ZNF549: variants seen among roughly 807,000 people sequenced by gnomAD.
ZNF549 encodes the protein zinc finger protein 549.
In ZNF549, 11 loss-of-function variants were observed where a neutral mutation model predicts 11.1. The ratio of observed to expected loss-of-function variants is 0.99; its 90% CI spans 0.62 to 1.64. ZNF549 has a LOEUF of 1.64. ZNF549 is among the 40% of genes most tolerant of loss of function. The pLI is 0.00. For synonymous variants in ZNF549, 266 were observed against 269.1 expected (o/e 0.99, Z 0.11); for missense variants, 748 against 765.1 (o/e 0.98, Z 0.26).
Position 57,527,602 on chromosome 19 carries a change from C to T in ZNF549, c.29C>T (p.Pro10Leu), listed in dbSNP as rs754794851. The change falls in exon 1 of 4, where the codon CCG (proline) becomes CTG (leucine). Residue 10 changes from proline to leucine, a missense_variant. Coordinates refer to ENST00000376233, the MANE Select transcript of ZNF549 (RefSeq NM_001199295.2). ...GCCGAGGCAGCGCTAGTGATTACGC[C>T]GCAGGTGAGAGCGGAGTCCTCGGAT... MAEAALVIT[P>L]QIPMVTEEFV... The T allele has an allele frequency of 2.5e-6, 4 of 1,613,656 alleles. No homozygotes were observed. Among genetic ancestry groups the T allele is most frequent in the Non-Finnish European group, 2.5e-6 (3 of 1,179,922 alleles).
At chr19:57,532,784 T>A (rs1218475243) in intron 2 of ZNF549, among the ~76,000 whole-genome samples, 1 of 152,170 alleles carries the variant, frequency 6.6e-6, no homozygotes, top group African/African-American at 2.4e-5. Flanking sequence ...TTAAGTTTAG[T>A]GGTTTTCTGC....
At position 57,535,290 on chromosome 19, in the gene ZNF549, C is replaced by T; in HGVS notation, c.199+20C>T. The T allele has an allele frequency of 1.2e-6, 2 of 1,609,332 alleles. No individual in the cohort carries two copies. The highest frequency in any genetic ancestry group is 2.2e-5 in the South Asian group (2 of 90,702). On this transcript the variant is annotated intron_variant, in intron 3 of 3. Transcript: ENST00000376233. ...CAGTAGGTAAGATCTCTTAAAACCA[C>T]ACCATCAACCTCTGCTGGACTCTGC...
chr19:57,532,064 A>G (rs534875357), intron 2 of ZNF549, among the ~76,000 whole-genome samples: 1 of 152,222 alleles, frequency 6.6e-6, no homozygotes, highest in African/African-American at 2.4e-5. Flanking sequence ...TTTTAAATTT[A>G]TCTTGAGTAT....
At chr19:57,529,900 TA>T (rs2089896709) in intron 1 of ZNF549, among the ~76,000 whole-genome samples, 1 of 149,572 alleles carries the variant, frequency 6.7e-6, no homozygotes, top group African/African-American at 2.5e-5. Context: ...AATAAATAAA[TA>T]AAATAAATAA....
chr19:57,527,659 G>T (rs753584257), intron 1 of ZNF549, 53 bp downstream of exon 1: 210 of 1,596,976 alleles, frequency 1.3e-4, no homozygotes, highest in Non-Finnish European at 1.7e-4. Flanking sequence ...CCGGACTGGG[G>T]TCACCTGCGT....
rs2089882180 is a variant in ZNF549, at chr19:57,527,440, T to C, written c.-134T>C. The C allele has an allele frequency of 1.6e-6, 2 of 1,260,714 alleles. No individual in the cohort carries two copies. The highest frequency in any genetic ancestry group is 2.5e-5 in the South Asian group (2 of 78,722). 78.1% of individuals were successfully genotyped at this position (1,260,714 alleles called of 1,614,324 possible). A position where few individuals can be genotyped will look rare whatever the true frequency, so the allele number is the denominator to read the frequency against. ...CCAGGTAACTGGAGCCGGAAACCGG[T>C]GGAGGTGGTGTCCGCCCGCAGAGGA... On this transcript the variant is annotated 5_prime_UTR_variant, in exon 1 of 4. Coordinates refer to ENST00000376233, the MANE Select transcript of ZNF549 (RefSeq NM_001199295.2).
At position 57,539,683 on chromosome 19, in the gene ZNF549, T is replaced by G. The variant is rs935213707; in HGVS notation, c.*756T>G. ...ACAAACTCAAGTGCTGGGACCTGCA[T>G]GAATTGTTTATTTGCAGTGATGCTT... On this transcript the variant is annotated 3_prime_UTR_variant, in exon 4 of 4. Coordinates refer to ENST00000376233, the MANE Select transcript of ZNF549 (RefSeq NM_001199295.2). 2.0e-5 allele frequency: 3 copies of G among 152,196 alleles called. No homozygotes were observed. The highest frequency in any genetic ancestry group is 4.4e-5 in the Non-Finnish European group (3 of 68,040). 9.4% of individuals were successfully genotyped at this position (152,196 alleles called of 1,614,324 possible).
At chr19:57,527,714 C>G in intron 1 of ZNF549, 108 bp downstream of exon 1, 2 of 1,379,372 alleles carry the variant, frequency 1.4e-6, no homozygotes, top group African/African-American at 2.9e-5. Flanking sequence ...GCGAGGAGTT[C>G]TGGGTGGGGT....
intron 3 of ZNF549, chr19:57,535,509 G>A (rs921160394): frequency 1.8e-4 from 87 of 474,672 alleles, no homozygotes; most frequent in African/African-American, 4.2e-4. Context: ...TTGCCCAACC[G>A]ACACCACTTG....
At chr19:57,528,727 C>G (rs1308627571) in intron 1 of ZNF549, among the ~76,000 whole-genome samples, 3 of 152,138 alleles carry the variant, frequency 2.0e-5, no homozygotes, top group African/African-American at 7.2e-5. Flanking sequence ...AAAGGTCAGC[C>G]AGACTAGCAG....
Position 57,527,358 on chromosome 19 carries a change from T to G in ZNF549, c.-216T>G. 2.5e-5 allele frequency: 16 copies of G among 643,236 alleles called. No homozygotes were observed. Among genetic ancestry groups the G allele is most frequent in the East Asian group, 2.8e-5 (1 of 35,986 alleles). The allele number at this position is 643,236 out of a possible 1,614,324, so 39.8% of individuals were successfully genotyped here. On this transcript the variant is annotated 5_prime_UTR_variant, in exon 1 of 4. Coordinates refer to ENST00000376233, the MANE Select transcript of ZNF549 (RefSeq NM_001199295.2). ...CCGGCGTCTTTCCGGTGGTGGTCGT[T>G]TTTGCTGCCTGCGAGCGCGTCCGCG...
Position 57,537,380 on chromosome 19 carries a change from C to T in ZNF549, c.376C>T (p.Leu126Phe), listed in dbSNP as rs147549804. Reference sequence around the variant, plus strand: ...GTACCTCAGTGAGCATCAGGGGACACTTCCCTGGCAGAAACCTTATACGTC... The same window carrying T: ...GTACCTCAGTGAGCATCAGGGGACATTTCCCTGGCAGAAACCTTATACGTC... ...ILYLSEHQGT[L>F]PWQKPYTSVA... The change falls in exon 4 of 4, where the codon CTT (leucine) becomes TTT (phenylalanine). Residue 126 changes from leucine to phenylalanine, a missense_variant. Leu to Phe is a conservative substitution (Grantham distance 22). Coordinates refer to ENST00000376233, the MANE Select transcript of ZNF549 (RefSeq NM_001199295.2). 1.4e-4 allele frequency: 225 copies of T among 1,614,206 alleles called. No individual in the cohort carries two copies. In the African/African-American group the frequency reaches 2.5e-3, roughly 18 times the overall value.
Position 57,538,544 on chromosome 19 carries a change from G to GT in ZNF549, c.1542dup (p.Lys515Ter), listed in dbSNP as rs1321475143. On this transcript the variant is annotated frameshift_variant, in exon 4 of 4. Transcript: ENST00000376233. LOFTEE classifies it low-confidence loss of function (END_TRUNC). ...ATGTGGAAAAGGCTTCTACCTTGAGGTTAAACTTCTTCAGCACCAAAGAAT... is the reference window on the plus strand; with the variant it reads ...ATGTGGAAAAGGCTTCTACCTTGAGGTTTAAACTTCTTCAGCACCAAAGAAT... 6.2e-7 allele frequency: 1 copy of GT among 1,613,986 alleles called. No individual in the cohort carries two copies. Among genetic ancestry groups the GT allele is most frequent in the Non-Finnish European group, 8.5e-7 (1 of 1,180,022 alleles).
intron 1 of ZNF549, 31 bp downstream of exon 1, chr19:57,527,637 G>A (rs774460101): frequency 1.9e-6 from 3 of 1,611,190 alleles, no homozygotes; most frequent in Admixed American, 1.7e-5. Flanking sequence ...TCCTCACCTG[G>A]GTCCTGAGGC....
Position 57,538,501 on chromosome 19 carries a change from G to A in ZNF549, c.1497G>A (p.Arg499=). 1.9e-6 allele frequency: 3 copies of A among 1,614,172 alleles called. No individual in the cohort carries two copies. The highest frequency in any genetic ancestry group is 1.1e-5 in the South Asian group (1 of 91,082). Residue 499 remains arginine, a synonymous_variant, in exon 4 of 4, where the codon AGG becomes AGA. Coordinates refer to ENST00000376233, the MANE Select transcript of ZNF549 (RefSeq NM_001199295.2). ...LKHHKIHTRE[R]PYECSECGKG... is the part of the protein sequence containing the mutation. ...ATCACAAAATCCACACTAGAGAAAGGCCTTATGAATGCAGTGAATGTGGAA... is the reference window on the plus strand; with the variant it reads ...ATCACAAAATCCACACTAGAGAAAGACCTTATGAATGCAGTGAATGTGGAA...
chr19:57,528,522 G>C (rs1298541099), intron 1 of ZNF549, among the ~76,000 whole-genome samples: 1 of 152,202 alleles, frequency 6.6e-6, no homozygotes. Flanking sequence ...GGAGGGCTGA[G>C]GCTGGAGGCT....
chr19:57,527,396 C>A lies in ZNF549; in HGVS notation c.-178C>A. On this transcript the variant is annotated 5_prime_UTR_variant, in exon 1 of 4. Coordinates refer to ENST00000376233, the MANE Select transcript of ZNF549 (RefSeq NM_001199295.2). ...GAGCGCGTCCGCGGGCTGGGCGTTT[C>A]CGGCTCGCTGGGTCCGGGCCAGGTA... 1 of 868,442 alleles carries A rather than the reference C, an allele frequency of 1.2e-6. No individual in the cohort carries two copies. 53.8% of individuals were successfully genotyped at this position (868,442 alleles called of 1,614,324 possible).
chr19:57,528,453 C>G (rs1203386160), intron 1 of ZNF549, among the ~76,000 whole-genome samples: 1 of 152,156 alleles, frequency 6.6e-6, no homozygotes, highest in Non-Finnish European at 1.5e-5. Flanking sequence ...GGCGTAGACT[C>G]AAGCCAAGCC....
chr19:57,532,814 C>T (rs370479091), intron 2 of ZNF549, among the ~76,000 whole-genome samples: 73 of 152,226 alleles, frequency 4.8e-4, no homozygotes, highest in African/African-American at 1.7e-3. Flanking sequence ...CTGTCAGTAA[C>T]AGAAAAGAGT....
Sources: allele counts gnomAD v4.1 joint callset (sites outside exome capture counted in the v4.1 genomes callset), GRCh38; gene constraint gnomAD v4.1.1; transcripts MANE v1.5; gene names NCBI Gene and HGNC (gene_info 2026-07-23, HGNC 2026-07-21).